Variants in SLC24A3 observed in about 807,000 individuals in gnomAD.
SLC24A3 encodes solute carrier family 24 member 3.
Under a neutral mutation model 75.8 loss-of-function variants are expected in SLC24A3, and 28 were observed. That is an observed-to-expected ratio of 0.37 (90% CI 0.27 to 0.51). The LOEUF is 0.51. Among genes scored for constraint, SLC24A3 ranks in the 20% least tolerant of loss-of-function variants. The pLI is 0.94. For synonymous variants in SLC24A3, 372 were observed against 334.1 expected, an observed-to-expected ratio of 1.11 and a Z score of -1.24; for missense variants, 663 against 847.8, an observed-to-expected ratio of 0.78 and a Z score of 2.71.
chr20:19,429,661 G>A (rs552086135), intron 2 of SLC24A3, among the ~76,000 whole-genome samples: 3 of 152,158 alleles, frequency 2.0e-5, no homozygotes, highest in East Asian at 3.9e-4. Flanking sequence ...GATTATCTTC[G>A]AAGCCCTGAT....
chr20:19,574,385 A>G (rs974241326), intron 3 of SLC24A3, among the ~76,000 whole-genome samples: 1 of 152,246 alleles, frequency 6.6e-6, no homozygotes, highest in Admixed American at 6.5e-5. Flanking sequence ...ACTGACTGCC[A>G]CAATAATGCT....
chr20:19,588,681 T>C (rs1320289104), intron 6 of SLC24A3, among the ~76,000 whole-genome samples: 1 of 152,182 alleles, frequency 6.6e-6, no homozygotes, highest in Admixed American at 6.5e-5. Flanking sequence ...CGAAGAATAA[T>C]AACAACAAAG....
intron 2 of SLC24A3, among the ~76,000 whole-genome samples, chr20:19,419,531 T>C (rs2122433455): frequency 6.6e-6 from 1 of 152,254 alleles, no homozygotes; most frequent in African/African-American, 2.4e-5. Flanking sequence ...ATTTCCTGAA[T>C]CTCTGCCCAG....
intron 6 of SLC24A3, among the ~76,000 whole-genome samples, chr20:19,587,917 A>C (rs1411100322): frequency 1.3e-5 from 2 of 152,138 alleles, no homozygotes; most frequent in Non-Finnish European, 2.9e-5. Context: ...TGGGGTTCTC[A>C]CCTCCAAATT....
intron 2 of SLC24A3, among the ~76,000 whole-genome samples, chr20:19,336,471 C>T (rs970803570): frequency 3.3e-5 from 5 of 151,974 alleles, no homozygotes; most frequent in Admixed American, 2.0e-4. Flanking sequence ...CTGCAACCTC[C>T]GCCTCCCGGG....
intron 2 of SLC24A3, among the ~76,000 whole-genome samples, chr20:19,312,120 T>G (rs576634257): frequency 1.3e-5 from 2 of 152,304 alleles, no homozygotes; most frequent in East Asian, 3.9e-4. Context: ...GATTAGTTTG[T>G]TAAGGTGAAA....
chr20:19,473,098 C>T (rs1244331380), intron 2 of SLC24A3, among the ~76,000 whole-genome samples: 3 of 152,196 alleles, frequency 2.0e-5, no homozygotes, highest in African/African-American at 7.2e-5. Flanking sequence ...GGCCTCTCCC[C>T]TCCTTCCTGA....
chr20:19,451,842 C>T (rs1987486668), intron 2 of SLC24A3, among the ~76,000 whole-genome samples: 1 of 152,176 alleles, frequency 6.6e-6, no homozygotes. Context: ...CCCAGGCCAT[C>T]CAAAGGGAAT....
At chr20:19,522,953 T>G (rs1435950728) in intron 3 of SLC24A3, among the ~76,000 whole-genome samples, 1 of 152,142 alleles carries the variant, frequency 6.6e-6, no homozygotes, top group Non-Finnish European at 1.5e-5. Context: ...TTACCAATTT[T>G]GAAATACATA....
chr20:19,599,363 G>A (rs1322545638), intron 6 of SLC24A3, among the ~76,000 whole-genome samples: 1 of 151,972 alleles, frequency 6.6e-6, no homozygotes, highest in Non-Finnish European at 1.5e-5. Context: ...GGCGGACTGC[G>A]TGTATGATGT....
At chr20:19,637,106 C>G (rs560000046) in intron 6 of SLC24A3, among the ~76,000 whole-genome samples, 1 of 152,092 alleles carries the variant, frequency 6.6e-6, no homozygotes, top group East Asian at 1.9e-4. Context: ...CAAGATCCGC[C>G]TGGCCAACAT....
chr20:19,311,929 C>A (rs1340778470), intron 2 of SLC24A3, among the ~76,000 whole-genome samples: 1 of 152,050 alleles, frequency 6.6e-6, no homozygotes, highest in East Asian at 1.9e-4. Context: ...TGAGGGTTTC[C>A]TTCCCATGCG....
intron 2 of SLC24A3, among the ~76,000 whole-genome samples, chr20:19,330,398 G>A (rs1984972739): frequency 6.6e-6 from 1 of 152,176 alleles, no homozygotes; most frequent in Admixed American, 6.5e-5. Flanking sequence ...GGGAAAAAGG[G>A]CATCTTTGAA....
At chr20:19,434,748 CTT>C (rs898507946) in intron 2 of SLC24A3, among the ~76,000 whole-genome samples, 4 of 141,364 alleles carry the variant, frequency 2.8e-5, no homozygotes, top group Non-Finnish European at 1.5e-5. Flanking sequence ...AGATAGGATG[CTT>C]TTTTTTTTTT....
intron 2 of SLC24A3, among the ~76,000 whole-genome samples, chr20:19,461,520 CTTTTTTTTCTTTTTT>C (rs1987673416): frequency 7.7e-6 from 1 of 129,370 alleles, no homozygotes. Context: ...CTTTTCTTTT[CTTTTTTTTCTTTTTT>C]TTTTTTTTTT....
intron 2 of SLC24A3, among the ~76,000 whole-genome samples, chr20:19,310,857 T>G (rs1049720673): frequency 6.6e-6 from 1 of 152,230 alleles, no homozygotes; most frequent in Non-Finnish European, 1.5e-5. Flanking sequence ...AAAGACAAGC[T>G]CCAAGGACAG....
chr20:19,491,135 T>G (rs1463850764), intron 2 of SLC24A3, among the ~76,000 whole-genome samples: 2 of 152,178 alleles, frequency 1.3e-5, no homozygotes, highest in Admixed American at 1.3e-4. Context: ...GGGTCCTCAC[T>G]GCCATCCTTG....
intron 2 of SLC24A3, among the ~76,000 whole-genome samples, chr20:19,512,030 T>C (rs1223314663): frequency 6.6e-6 from 1 of 152,218 alleles, no homozygotes; most frequent in African/African-American, 2.4e-5. Flanking sequence ...CCCACAGTGC[T>C]GGCCGCTCCA....
intron 6 of SLC24A3, among the ~76,000 whole-genome samples, chr20:19,611,937 A>T (rs1192089287): frequency 6.6e-6 from 1 of 152,064 alleles, no homozygotes; most frequent in Non-Finnish European, 1.5e-5. Context: ...TGCCCTGGCC[A>T]TCCTCTTACC....
Sources: gnomAD v4.1 joint callset for allele counts (sites outside exome capture counted in the v4.1 genomes callset) on GRCh38, gnomAD v4.1.1 for gene constraint, MANE v1.5 for transcripts, NCBI Gene and HGNC (gene_info 2026-07-23, HGNC 2026-07-21) for gene names.